Variants in WDR48 observed in about 807,000 individuals in gnomAD.
The protein encoded by WDR48 is WD repeat-containing protein 48.
In WDR48, 22 loss-of-function variants were observed where a neutral mutation model predicts 94.0. The observed-to-expected ratio is 0.23, with a 90% confidence interval of 0.17 to 0.33. The LOEUF (loss-of-function observed/expected upper bound fraction) is 0.33. Ranked by LOEUF, WDR48 falls within the 10% of genes least tolerant of loss-of-function variation. The probability of loss-of-function intolerance (pLI) is 1.00; values close to 1 mark genes in which losing one functional copy is unlikely to be tolerated. For missense variants in WDR48, 541 were observed against 813.8 expected (o/e 0.66, Z 4.08); for synonymous variants, 278 against 280.5 (o/e 0.99, Z 0.09).
intron 5 of WDR48, among the ~76,000 whole-genome samples, chr3:39,068,414 G>A (rs1339856102): frequency 6.6e-6 from 1 of 151,794 alleles, no homozygotes; most frequent in East Asian, 1.9e-4. Flanking sequence ...CTTGTTTTTT[G>A]TCTTGGTGTA....
chr3:39,083,435 C>T lies in WDR48; in HGVS notation c.1174-720C>T, dbSNP rs535229008. ...TGGGTAGATGACAATACAAGGTCAT[C>T]CCAAGAAGCAAGAGGTGAGGGGGAC... On this transcript the variant is annotated intron_variant, in intron 11 of 18. Coordinates refer to ENST00000302313, the MANE Select transcript of WDR48 (RefSeq NM_020839.4). Among the ~76,000 whole-genome samples the T allele has an allele frequency of 2.6e-5, 4 of 152,222 alleles. No individual in the cohort carries two copies. In the East Asian group the frequency reaches 7.7e-4, roughly 29 times the overall value.
intron 7 of WDR48, among the ~76,000 whole-genome samples, chr3:39,073,458 T>C (rs72859526): frequency 0.043 from 6,547 of 152,206 alleles, 454 homozygotes; most frequent in African/African-American, 0.15. Flanking sequence ...GAAGGCCTCA[T>C]GTATTTGGGC....
chr3:39,061,464 G>A (rs1575394891), intron 1 of WDR48, among the ~76,000 whole-genome samples: 3 of 152,224 alleles, frequency 2.0e-5, no homozygotes, highest in African/African-American at 7.2e-5. Flanking sequence ...ATTCCATGGT[G>A]TATATGTGCC....
At chr3:39,067,403 A>C (rs1332771893) in intron 5 of WDR48, among the ~76,000 whole-genome samples, 1 of 152,226 alleles carries the variant, frequency 6.6e-6, no homozygotes. Context: ...GAATCAAGCC[A>C]ATTCCAGAAG....
At chr3:39,088,043 G>C in intron 14 of WDR48, 85 bp from the exon 15 acceptor site, 1 of 1,279,128 alleles carries the variant, frequency 7.8e-7, no homozygotes, top group Non-Finnish European at 1.1e-6. Context: ...ATCTTGCAAT[G>C]TTTGAAGCTT....
chr3:39,082,402 C>G lies in WDR48; in HGVS notation c.1174-1753C>G, dbSNP rs568300296. The stretch of plus-strand genomic sequence containing the variant: ...GTTCAAGCGATTCTCCTGCCTCAGC[C>G]TCCCGAGTAGCTGGGATTACAGGCA... On this transcript the variant is annotated intron_variant, in intron 11 of 18. Coordinates refer to ENST00000302313, the MANE Select transcript of WDR48 (RefSeq NM_020839.4). Among the ~76,000 whole-genome samples, 19 of 152,194 alleles carry G rather than the reference C, an allele frequency of 1.2e-4. No homozygotes were observed. The East Asian group carries it at 3.7e-3, about 29-fold the overall frequency.
Position 39,091,661 on chromosome 3 carries a change from C to T in WDR48, c.1705C>T (p.Leu569Phe). The T allele has an allele frequency of 6.2e-7, 1 of 1,607,636 alleles. No homozygotes were observed. Among genetic ancestry groups the T allele is most frequent in the Non-Finnish European group, 8.5e-7 (1 of 1,177,982 alleles). Residue 569 changes from leucine to phenylalanine, a missense_variant, in exon 17 of 19, where the codon CTC (leucine) becomes TTC (phenylalanine). Coordinates refer to ENST00000302313, the MANE Select transcript of WDR48 (RefSeq NM_020839.4). ...MPKFNKIPFY[L>F]QPHASSGAKT... ...CAAATTCAACAAAATTCCTTTCTAC[C>T]TCCAACCTCATGCATCTTCAGGAGC...
intron 7 of WDR48, among the ~76,000 whole-genome samples, chr3:39,071,599 A>T (rs1380911551): frequency 2.0e-5 from 3 of 152,252 alleles, no homozygotes; most frequent in African/African-American, 7.2e-5. Context: ...ACAGTTAGAA[A>T]TGCACTTCAT....
chr3:39,059,775 T>C (rs999510232), intron 1 of WDR48, among the ~76,000 whole-genome samples: 1 of 152,236 alleles, frequency 6.6e-6, no homozygotes, highest in Non-Finnish European at 1.5e-5. Context: ...TTTAAAACTT[T>C]TGTCAGAAAG....
chr3:39,053,085 C>G (rs1032221678), intron 1 of WDR48, among the ~76,000 whole-genome samples: 17 of 152,306 alleles, frequency 1.1e-4, no homozygotes, highest in African/African-American at 3.8e-4. Flanking sequence ...TAAAAGCCCT[C>G]TTACAGGTGT....
intron 18 of WDR48, chr3:39,094,318 T>C (rs1484959194): frequency 7.0e-7 from 1 of 1,422,406 alleles, no homozygotes; most frequent in Non-Finnish European, 9.1e-7. Context: ...CTTCTTGATT[T>C]GCAAAAAGCA....
intron 13 of WDR48, 97 bp downstream of exon 13, chr3:39,084,838 A>G (rs928890132): frequency 5.0e-6 from 5 of 999,200 alleles, no homozygotes; most frequent in Non-Finnish European, 7.4e-6. Flanking sequence ...AAAGTTCTCT[A>G]TATTTTGTTG....
At chr3:39,071,738 C>T (rs1204496702) in intron 7 of WDR48, among the ~76,000 whole-genome samples, 1 of 152,110 alleles carries the variant, frequency 6.6e-6, no homozygotes, top group African/African-American at 2.4e-5. Context: ...ACCCATTTTC[C>T]TTATTGGCAA....
intron 7 of WDR48, among the ~76,000 whole-genome samples, chr3:39,070,606 C>G (rs922368310): frequency 1.3e-5 from 2 of 150,854 alleles, no homozygotes; most frequent in African/African-American, 4.9e-5. Context: ...GGAAACTAGT[C>G]TAAGGAAGGA....
intron 1 of WDR48, 187 bp downstream of exon 1, chr3:39,052,260 C>T: frequency 1.5e-6 from 1 of 653,044 alleles, no homozygotes; most frequent in Non-Finnish European, 2.6e-6. Flanking sequence ...GGTCGGCTTG[C>T]TTGGCCCTTG....
chr3:39,084,929 T>A (rs887424975), intron 13 of WDR48, among the ~76,000 whole-genome samples, 188 bp downstream of exon 13: 1 of 152,228 alleles, frequency 6.6e-6, no homozygotes, highest in African/African-American at 2.4e-5. Flanking sequence ...AATAGCCGTT[T>A]AAAGAATCTG....
At chr3:39,075,190 CTTTTTTT>C (rs11353487) in intron 8 of WDR48, among the ~76,000 whole-genome samples, 176 of 110,476 alleles carry the variant, frequency 1.6e-3, no homozygotes, top group Middle Eastern at 5.1e-3. Context: ...TTGTGTTTTG[CTTTTTTT>C]TTTTTTTTTT....
At position 39,094,039 on chromosome 3, in the gene WDR48, G is replaced by C; in HGVS notation, c.1911G>C (p.Glu637Asp). The C allele has an allele frequency of 6.2e-7, 1 of 1,612,168 alleles. No homozygotes were observed. The highest frequency in any genetic ancestry group is 1.7e-4 in the Middle Eastern group (1 of 6,052). Residue 637 changes from glutamate (E) to aspartate (D), a missense_variant, in exon 18 of 19, where the codon GAG (glutamate) becomes GAC (aspartate). Glu to Asp is a conservative substitution (Grantham distance 45). Transcript: ENST00000302313. ...KEEDIAVLAE[E>D]KIELLCQDQV... Reference sequence around the variant, plus strand: ...AAGATATTGCTGTGTTGGCAGAGGAGAAAATTGAACTTTTGTGCCAGGACC... The same window carrying C: ...AAGATATTGCTGTGTTGGCAGAGGACAAAATTGAACTTTTGTGCCAGGACC...
chr3:39,067,010 C>G, intron 5 of WDR48, 135 bp downstream of exon 5: 1 of 1,066,112 alleles, frequency 9.4e-7, no homozygotes, highest in Non-Finnish European at 1.3e-6. Context: ...CTACAGCGTT[C>G]TGGCCCCCAA....
Sources: gnomAD v4.1 joint callset for allele counts (sites outside exome capture counted in the v4.1 genomes callset) on GRCh38, gnomAD v4.1.1 for gene constraint, MANE v1.5 for transcripts, NCBI Gene and HGNC (gene_info 2026-07-23, HGNC 2026-07-21) for gene names.